The following FAR2 variants were observed in gnomAD, a reference collection of about 807,000 sequenced individuals.
FAR2 encodes the protein fatty acyl-CoA reductase 2.
A neutral mutation model predicts 56.0 loss-of-function variants in FAR2; 19 were observed. The ratio of observed to expected loss-of-function variants is 0.34; its 90% CI spans 0.24 to 0.50. FAR2 has a LOEUF of 0.50. Ranked by LOEUF, FAR2 falls within the 20% of genes least tolerant of loss-of-function variation. The pLI, the probability that FAR2 is intolerant of heterozygous loss-of-function variation, is 0.98. For synonymous variants in FAR2, 219 were observed against 218.8 expected (o/e 1.00, Z -0.01); for missense variants, 508 against 642.2 (o/e 0.79, Z 2.26).
At chr12:29,290,817 G>T (rs1948952394) in intron 2 of FAR2, among the ~76,000 whole-genome samples, 1 of 152,126 alleles carries the variant, frequency 6.6e-6, no homozygotes, top group Non-Finnish European at 1.5e-5. Flanking sequence ...TTGAACTCAT[G>T]GACATAAAGA....
intron 2 of FAR2, among the ~76,000 whole-genome samples, chr12:29,278,438 C>G (rs1253084563): frequency 6.6e-6 from 1 of 152,056 alleles, no homozygotes; most frequent in African/African-American, 2.4e-5. Context: ...CTCCCGGGCT[C>G]ACGTGATCCA....
chr12:29,264,925 C>T (rs1043246763), intron 1 of FAR2, among the ~76,000 whole-genome samples: 2 of 152,012 alleles, frequency 1.3e-5, no homozygotes, highest in Non-Finnish European at 2.9e-5. Context: ...ATCCCATTTA[C>T]AGTAGCTACA....
At chr12:29,173,639 C>T (rs544729499) in intron 1 of FAR2, among the ~76,000 whole-genome samples, 181 of 152,126 alleles carry the variant, frequency 1.2e-3, no homozygotes, top group African/African-American at 4.0e-3. Context: ...TCAGGGTTTG[C>T]GGGTCAAATT....
chr12:29,253,220 G>GATATCTATATCT (rs144358893), intron 1 of FAR2, among the ~76,000 whole-genome samples: 3,761 of 49,356 alleles, frequency 0.076, 580 homozygotes, highest in African/African-American at 0.13. Context: ...TCTATATATC[G>GATATCTATATCT]ATATCTATCT....
At chr12:29,163,745 G>C (rs1439458110) in intron 1 of FAR2, among the ~76,000 whole-genome samples, 1 of 152,204 alleles carries the variant, frequency 6.6e-6, no homozygotes, top group Non-Finnish European at 1.5e-5. Flanking sequence ...TGTGGAGACT[G>C]GGAGACAGAT....
At chr12:29,154,250 T>C (rs187379667) in intron 1 of FAR2, among the ~76,000 whole-genome samples, 3 of 152,250 alleles carry the variant, frequency 2.0e-5, no homozygotes, top group Admixed American at 2.0e-4. Context: ...TAAAACCCTG[T>C]CATTCCTCTG....
At chr12:29,179,545 G>A (rs961107122) in intron 1 of FAR2, among the ~76,000 whole-genome samples, 1 of 152,106 alleles carries the variant, frequency 6.6e-6, no homozygotes, top group Non-Finnish European at 1.5e-5. Flanking sequence ...TTCAAAGCTG[G>A]CATTCACACC....
At chr12:29,221,013 A>G (rs969825423) in intron 1 of FAR2, among the ~76,000 whole-genome samples, 7 of 152,026 alleles carry the variant, frequency 4.6e-5, no homozygotes, top group Non-Finnish European at 1.0e-4. Flanking sequence ...GGGAGGGGCT[A>G]CTGGCGCAGT....
At chr12:29,154,267 C>T (rs1414000764) in intron 1 of FAR2, among the ~76,000 whole-genome samples, 2 of 152,030 alleles carry the variant, frequency 1.3e-5, no homozygotes, top group Non-Finnish European at 2.9e-5. Context: ...TCTGCCTTGT[C>T]TATAGCAGTT....
At chr12:29,235,028 A>C (rs915844439) in intron 1 of FAR2, among the ~76,000 whole-genome samples, 2 of 152,194 alleles carry the variant, frequency 1.3e-5, no homozygotes, top group African/African-American at 2.4e-5. Flanking sequence ...ATGTATGTTT[A>C]CTATGTGCCA....
intron 4 of FAR2, among the ~76,000 whole-genome samples, chr12:29,303,397 C>T (rs1254189263): frequency 6.6e-6 from 1 of 152,208 alleles, no homozygotes; most frequent in African/African-American, 2.4e-5. Flanking sequence ...TTCTCCTGCT[C>T]TCCTTGCCTC....
At chr12:29,169,127 C>T (rs908783910) in intron 1 of FAR2, among the ~76,000 whole-genome samples, 2 of 152,306 alleles carry the variant, frequency 1.3e-5, no homozygotes, top group East Asian at 3.9e-4. Flanking sequence ...TCTCCAAGTC[C>T]CCACTCGACC....
intron 2 of FAR2, among the ~76,000 whole-genome samples, chr12:29,278,610 A>C (rs1279562583): frequency 6.6e-6 from 1 of 152,036 alleles, no homozygotes; most frequent in African/African-American, 2.4e-5. Flanking sequence ...AGCCTCCCAA[A>C]GTGCTGGGAC....
At chr12:29,214,455 A>C (rs1009835188) in intron 1 of FAR2, among the ~76,000 whole-genome samples, 7 of 152,238 alleles carry the variant, frequency 4.6e-5, no homozygotes, top group Non-Finnish European at 7.3e-5. Context: ...TACATTATTT[A>C]AGGAAAGCTG....
chr12:29,250,089 A>C (rs1948183160), intron 1 of FAR2, among the ~76,000 whole-genome samples: 1 of 152,188 alleles, frequency 6.6e-6, no homozygotes, highest in South Asian at 2.1e-4. Context: ...TTGATTCAAC[A>C]ATAGTTATTG....
At chr12:29,329,476 C>T (rs1270030289) in intron 10 of FAR2, among the ~76,000 whole-genome samples, 2 of 152,108 alleles carry the variant, frequency 1.3e-5, no homozygotes, top group Admixed American at 6.5e-5. Context: ...AATGTAATTA[C>T]CAAATTCTGG....
In FAR2 at chr12:29,210,265, A is replaced by G. The variant is rs558218949; in HGVS notation, c.-38-60147A>G. 1.8e-4 allele frequency among the ~76,000 whole-genome samples: 28 copies of G among 152,296 alleles called. 2 individuals are homozygous for G. The South Asian group carries it at 5.4e-3, about 29-fold the overall frequency. ...GTTAAATTAATTCTGTTTTAGAAAA[A>G]AAGCAATTATTATCACAAGCTAGAC... On this transcript the variant is annotated intron_variant, in intron 1 of 11. Transcript: ENST00000536681.
chr12:29,261,072 C>T (rs1046160836), intron 1 of FAR2, among the ~76,000 whole-genome samples: 7 of 152,188 alleles, frequency 4.6e-5, no homozygotes, highest in Non-Finnish European at 1.0e-4. Context: ...ACAATAAATA[C>T]CTGATGCTTA....
intron 1 of FAR2, among the ~76,000 whole-genome samples, chr12:29,256,996 C>T (rs1174969204): frequency 6.6e-6 from 1 of 152,198 alleles, no homozygotes; most frequent in Non-Finnish European, 1.5e-5. Flanking sequence ...GGCACCCAGT[C>T]CCATCGACCA....
Sources: allele counts gnomAD v4.1 joint callset (sites outside exome capture counted in the v4.1 genomes callset), GRCh38; gene constraint gnomAD v4.1.1; transcripts MANE v1.5; gene names NCBI Gene and HGNC (gene_info 2026-07-23, HGNC 2026-07-21).